STXBP5L: variants seen among roughly 807,000 people sequenced by gnomAD.
STXBP5L encodes the protein syntaxin binding protein 5L, also known as syntaxin-binding protein 5-like.
In STXBP5L, 65 loss-of-function variants were observed where a neutral mutation model predicts 144.5. The observed-to-expected ratio is 0.45, with a 90% CI of 0.37 to 0.55. STXBP5L has a LOEUF of 0.55. STXBP5L is among the 20% of genes least tolerant of loss of function. The probability of loss-of-function intolerance (pLI) is 0.00; values close to 1 mark genes in which losing one functional copy is unlikely to be tolerated. For synonymous variants in STXBP5L, 505 were observed against 469.6 expected, an observed-to-expected ratio of 1.08 and a Z score of -0.97; for missense variants, 1,298 against 1,405.5, an observed-to-expected ratio of 0.92 and a Z score of 1.22.
chr3:120,981,650 A>G (rs1051057605), intron 3 of STXBP5L, among the ~76,000 whole-genome samples: 2 of 152,148 alleles, frequency 1.3e-5, no homozygotes, highest in African/African-American at 2.4e-5. Flanking sequence ...CTTTCATACC[A>G]TCCATATTTT....
At chr3:121,101,876 TAA>T (rs1182571635) in intron 5 of STXBP5L, among the ~76,000 whole-genome samples, 2 of 152,066 alleles carry the variant, frequency 1.3e-5, no homozygotes, top group Non-Finnish European at 2.9e-5. Context: ...ATGAGTTCAG[TAA>T]AGTTTCCGGA....
chr3:121,135,568 C>G (rs2045212401), intron 7 of STXBP5L, among the ~76,000 whole-genome samples: 1 of 152,174 alleles, frequency 6.6e-6, no homozygotes, highest in Non-Finnish European at 1.5e-5. Flanking sequence ...AGCATGCAAC[C>G]TAGATCCCTT....
chr3:121,348,036 A>C (rs1576242455), intron 20 of STXBP5L, among the ~76,000 whole-genome samples: 1 of 152,046 alleles, frequency 6.6e-6, no homozygotes, highest in East Asian at 1.9e-4. Context: ...GTCTTGTACC[A>C]GTTTTCACAG....
At chr3:121,408,064 A>C (rs2047035684) in intron 23 of STXBP5L, among the ~76,000 whole-genome samples, 1 of 152,056 alleles carries the variant, frequency 6.6e-6, no homozygotes, top group Non-Finnish European at 1.5e-5. Flanking sequence ...ATAGGAAAAT[A>C]AACTATTATT....
At chr3:120,911,503 A>C (rs1269460325) in intron 2 of STXBP5L, among the ~76,000 whole-genome samples, 1 of 152,126 alleles carries the variant, frequency 6.6e-6, no homozygotes, top group Non-Finnish European at 1.5e-5. Flanking sequence ...TGTAGGAATA[A>C]GTGTATCTGC....
At chr3:121,170,320 G>T (rs908754712) in intron 9 of STXBP5L, among the ~76,000 whole-genome samples, 3 of 152,020 alleles carry the variant, frequency 2.0e-5, no homozygotes, top group Admixed American at 2.0e-4. Flanking sequence ...TCAAAAGCTA[G>T]CAGAAGACAA....
At chr3:120,992,756 A>G (rs1943026688) in intron 3 of STXBP5L, among the ~76,000 whole-genome samples, 1 of 152,102 alleles carries the variant, frequency 6.6e-6, no homozygotes, top group Non-Finnish European at 1.5e-5. Context: ...TAGTGCTGTA[A>G]TAAACATGGA....
At chr3:121,339,756 A>C (rs376626623) in intron 20 of STXBP5L, among the ~76,000 whole-genome samples, 1 of 152,070 alleles carries the variant, frequency 6.6e-6, no homozygotes, top group African/African-American at 2.4e-5. Flanking sequence ...GCTCTGCTGC[A>C]TGCCAACAAC....
intron 19 of STXBP5L, among the ~76,000 whole-genome samples, chr3:121,311,125 T>C (rs2108511488): frequency 6.6e-6 from 1 of 152,224 alleles, no homozygotes; most frequent in South Asian, 2.1e-4. Context: ...CATGTGAAAA[T>C]GTTCCAACTA....
At chr3:121,167,158 A>G (rs746860234) in intron 9 of STXBP5L, among the ~76,000 whole-genome samples, 1 of 152,150 alleles carries the variant, frequency 6.6e-6, no homozygotes, top group African/African-American at 2.4e-5. Flanking sequence ...AGAAAATTAC[A>G]AAATCAGAAC....
At chr3:121,377,161 A>G (rs538758230) in intron 20 of STXBP5L, among the ~76,000 whole-genome samples, 111 of 152,188 alleles carry the variant, frequency 7.3e-4, no homozygotes, top group Non-Finnish European at 1.3e-3. Context: ...ATATACAATC[A>G]TGTCATCTGC....
At chr3:120,999,668 G>A (rs1391551719) in intron 3 of STXBP5L, among the ~76,000 whole-genome samples, 1 of 152,026 alleles carries the variant, frequency 6.6e-6, no homozygotes, top group Non-Finnish European at 1.5e-5. Flanking sequence ...GCTTTATAGC[G>A]TCAATGGTCT....
chr3:121,345,587 G>T (rs187341158), intron 20 of STXBP5L, among the ~76,000 whole-genome samples: 43 of 152,180 alleles, frequency 2.8e-4, no homozygotes, highest in Admixed American at 7.2e-4. Context: ...TCACCACACT[G>T]TCTTCCACAA....
chr3:121,116,482 A>AT (rs2044235657), intron 6 of STXBP5L, among the ~76,000 whole-genome samples: 1 of 152,030 alleles, frequency 6.6e-6, no homozygotes, highest in African/African-American at 2.4e-5. Context: ...CCAGAGCAGG[A>AT]TTTTTGTTTA....
chr3:120,933,366 CT>C (rs1462447604), intron 2 of STXBP5L, among the ~76,000 whole-genome samples: 2 of 152,082 alleles, frequency 1.3e-5, no homozygotes, highest in African/African-American at 2.4e-5. Context: ...GCTAAATTAT[CT>C]GGCCAACATC....
chr3:121,419,258 G>C lies in STXBP5L; in HGVS notation c.*161G>C. 1 of 678,364 alleles carries C rather than the reference G, an allele frequency of 1.5e-6. No homozygotes were observed. The allele number at this position is 678,364 out of a possible 1,614,324, so 42.0% of individuals were successfully genotyped here. On this transcript the variant is annotated 3_prime_UTR_variant, in exon 27 of 27. Coordinates refer to ENST00000471454, the MANE Select transcript of STXBP5L (RefSeq NM_001308330.2). Reference sequence around the variant, plus strand: ...AAAAGAGATGTATCAGAGACACTGTGCAACCCAAAGGCTGGAGCCCTGGTT... The same window carrying C: ...AAAAGAGATGTATCAGAGACACTGTCCAACCCAAAGGCTGGAGCCCTGGTT...
At chr3:121,388,717 C>T (rs1434709031) in intron 22 of STXBP5L, among the ~76,000 whole-genome samples, 2 of 152,138 alleles carry the variant, frequency 1.3e-5, no homozygotes, top group Non-Finnish European at 2.9e-5. Context: ...TATGTTGAAC[C>T]AGCCTTGCAT....
intron 5 of STXBP5L, among the ~76,000 whole-genome samples, chr3:121,053,039 G>T (rs542412106): frequency 2.0e-5 from 3 of 152,202 alleles, no homozygotes; most frequent in Middle Eastern, 3.4e-3. Flanking sequence ...CACCTTACAG[G>T]GACGTGAAGG....
intron 9 of STXBP5L, among the ~76,000 whole-genome samples, chr3:121,183,618 A>G (rs1049469654): frequency 2.6e-5 from 4 of 151,620 alleles, no homozygotes; most frequent in African/African-American, 9.7e-5. Flanking sequence ...AAAGGAAAAG[A>G]AAGGAAGGGA....
Sources: allele counts gnomAD v4.1 joint callset (sites outside exome capture counted in the v4.1 genomes callset), GRCh38; gene constraint gnomAD v4.1.1; transcripts MANE v1.5; gene names NCBI Gene and HGNC (gene_info 2026-07-23, HGNC 2026-07-21).